Variants in GSE1 observed in about 807,000 individuals in gnomAD.
The protein encoded by GSE1 is genetic suppressor element 1.
GSE1 carries 32 observed loss-of-function variants against 112.6 expected under a neutral mutation model. The observed-to-expected ratio is 0.28, with a 90% confidence interval of 0.21 to 0.38. The LOEUF (loss-of-function observed/expected upper bound fraction) is 0.38. GSE1 is among the 10% of genes least tolerant of loss of function. GSE1 has a pLI of 1.00. For missense variants in GSE1, 2,348 were observed against 1,699.2 expected (o/e 1.38, Z -6.71); for synonymous variants, 1,115 against 735.6 (o/e 1.52, Z -8.35).
rs781655564 is a variant in GSE1 at position 85,665,141 on chromosome 16, T to G, written c.2758+13T>G. ...GTCTCCCTGAGTGGTAAGGGAAGGA[T>G]AGCCCCACCTGCCACCACCCAGGAC... On this transcript the variant is annotated intron_variant, in intron 12 of 15. Transcript: ENST00000253458. The G allele has an allele frequency of 2.7e-6, 4 of 1,484,398 alleles. No homozygotes were observed. Among genetic ancestry groups the G allele is most frequent in the Non-Finnish European group, 3.8e-6 (4 of 1,062,958 alleles). The allele number at this position is 1,484,398 out of a possible 1,614,324, so 92.0% of individuals were successfully genotyped here.
At chr16:85,243,837 CAT>C (rs1004484275) in intron 1 of GSE1, among the ~76,000 whole-genome samples, 2 of 152,172 alleles carry the variant, frequency 1.3e-5, no homozygotes, top group Non-Finnish European at 2.9e-5. Context: ...TTTAAAAAAT[CAT>C]GTGTTGGCCA....
At chr16:85,628,929 C>T (rs921920610) in intron 1 of GSE1, among the ~76,000 whole-genome samples, 3 of 152,108 alleles carry the variant, frequency 2.0e-5, no homozygotes, top group South Asian at 4.1e-4. Flanking sequence ...AATGTGTCCT[C>T]CAGTTTTGGA....
At chr16:85,489,666 C>T (rs2050949651) in intron 2 of GSE1, 2 of 152,250 alleles carry the variant, frequency 1.3e-5, no homozygotes, top group Non-Finnish European at 2.9e-5. Flanking sequence ...CCAGCTGAAC[C>T]CCCAGTGTGG....
At chr16:85,399,369 G>A (rs2151666040) in intron 2 of GSE1, among the ~76,000 whole-genome samples, 1 of 152,296 alleles carries the variant, frequency 6.6e-6, no homozygotes, top group South Asian at 2.1e-4. Flanking sequence ...AGTCCACGGG[G>A]GCTCCACGGC....
intron 2 of GSE1, among the ~76,000 whole-genome samples, chr16:85,478,142 C>T (rs1212583485): frequency 1.3e-5 from 2 of 152,170 alleles, no homozygotes; most frequent in Non-Finnish European, 2.9e-5. Context: ...CCTTTTGTGT[C>T]CAGCTTCTTC....
chr16:85,235,428 CTGTGTG>C (rs60860144), intron 1 of GSE1, among the ~76,000 whole-genome samples: 1,796 of 126,320 alleles, frequency 0.014, 23 homozygotes, highest in South Asian at 0.034. Flanking sequence ...TGGAAGGGTA[CTGTGTG>C]TGTGTGTGTG....
At chr16:85,233,609 C>T (rs537599939) in intron 1 of GSE1, among the ~76,000 whole-genome samples, 2 of 152,202 alleles carry the variant, frequency 1.3e-5, no homozygotes, top group East Asian at 3.9e-4. Context: ...GCATGTGTGG[C>T]CTCTGCATGT....
At chr16:85,456,641 G>GT (rs1567502079) in intron 2 of GSE1, among the ~76,000 whole-genome samples, 16 of 94,110 alleles carry the variant, frequency 1.7e-4, no homozygotes, top group South Asian at 3.3e-4. Context: ...TGTGTGTGTG[G>GT]TCTGCCATTT....
chr16:85,632,050 G>A (rs1003435320), intron 1 of GSE1, among the ~76,000 whole-genome samples: 1 of 152,250 alleles, frequency 6.6e-6, no homozygotes, highest in Non-Finnish European at 1.5e-5. Flanking sequence ...TTTTCTGGAA[G>A]TGAGGCTGCC....
At chr16:85,355,319 C>G (rs1477962677) in intron 1 of GSE1, among the ~76,000 whole-genome samples, 1 of 152,216 alleles carries the variant, frequency 6.6e-6, no homozygotes, top group Non-Finnish European at 1.5e-5. Context: ...GGGTCACCAA[C>G]CCCCACGACA....
chr16:85,366,366 A>ACTCTGT (rs935299840), intron 2 of GSE1, among the ~76,000 whole-genome samples: 5 of 151,824 alleles, frequency 3.3e-5, no homozygotes, highest in African/African-American at 9.7e-5. Flanking sequence ...CGTGTCACCC[A>ACTCTGT]CTCTGTCTCT....
intron 2 of GSE1, among the ~76,000 whole-genome samples, chr16:85,423,018 C>G (rs905263456): frequency 6.6e-6 from 1 of 152,210 alleles, no homozygotes; most frequent in Non-Finnish European, 1.5e-5. Context: ...CTCCCAGCCC[C>G]TGGTCCACAC....
intron 2 of GSE1, among the ~76,000 whole-genome samples, chr16:85,387,386 T>G (rs568974872): frequency 4.1e-4 from 63 of 152,130 alleles, no homozygotes; most frequent in Non-Finnish European, 7.5e-4. Flanking sequence ...CCCCCACGCA[T>G]GCTGAAGCCG....
intron 2 of GSE1, 53 bp downstream of exon 2, chr16:85,634,185 G>T: frequency 8.0e-7 from 1 of 1,249,942 alleles, no homozygotes; most frequent in South Asian, 1.7e-5. Context: ...CCCGAGGCCG[G>T]GACTCAGCCT....
intron 1 of GSE1, among the ~76,000 whole-genome samples, chr16:85,225,316 G>C (rs1414289355): frequency 6.6e-6 from 1 of 152,178 alleles, no homozygotes; most frequent in African/African-American, 2.4e-5. Flanking sequence ...GGTGGAGCTG[G>C]GGCTGGCCAG....
At chr16:85,645,781 C>G (rs1382080076) in intron 2 of GSE1, among the ~76,000 whole-genome samples, 1 of 152,226 alleles carries the variant, frequency 6.6e-6, no homozygotes, top group Admixed American at 6.5e-5. Context: ...TGGGGTCCTC[C>G]TTCTGGAAAG....
intron 2 of GSE1, among the ~76,000 whole-genome samples, chr16:85,527,013 A>C (rs1342352996): frequency 6.6e-6 from 1 of 152,132 alleles, no homozygotes; most frequent in Non-Finnish European, 1.5e-5. Flanking sequence ...TTGTAAAAAT[A>C]TTGTCCGTGG....
intron 2 of GSE1, among the ~76,000 whole-genome samples, chr16:85,529,103 G>A (rs552984750): frequency 2.6e-5 from 4 of 152,294 alleles, no homozygotes; most frequent in Admixed American, 1.3e-4. Context: ...GTGAGGCGGC[G>A]CCTGCAGTTG....
chr16:85,271,490 G>C (rs1908829790), intron 1 of GSE1, among the ~76,000 whole-genome samples: 1 of 152,220 alleles, frequency 6.6e-6, no homozygotes, highest in Admixed American at 6.5e-5. Flanking sequence ...GTCAGCAGTA[G>C]GACTTTTGGG....
Sources: allele counts gnomAD v4.1 joint callset (sites outside exome capture counted in the v4.1 genomes callset), GRCh38; gene constraint gnomAD v4.1.1; transcripts MANE v1.5; gene names NCBI Gene and HGNC (gene_info 2026-07-23, HGNC 2026-07-21).